The following POLA1 variants were observed in gnomAD, a reference collection of about 807,000 sequenced individuals.
POLA1 encodes DNA polymerase alpha catalytic subunit.
Under a neutral mutation model 124.0 loss-of-function variants are expected in POLA1, and 15 were observed. The ratio of observed to expected loss-of-function variants is 0.12; its 90% CI spans 0.08 to 0.19. POLA1 has a LOEUF of 0.19. Ranked by LOEUF, POLA1 falls within the 10% of genes least tolerant of loss-of-function variation. The pLI is 1.00. For missense variants in POLA1, 886 were observed against 1,103.4 expected (o/e 0.80, Z 2.79); for synonymous variants, 408 against 389.4 (o/e 1.05, Z -0.56).
At position 24,931,691 on chromosome X, in the gene POLA1, A is replaced by C. The variant is rs1371122309; in HGVS notation, c.4261+1142A>C. Among the ~76,000 whole-genome samples, 11 of 112,007 alleles carry C rather than the reference A, an allele frequency of 9.8e-5. No individual in the cohort carries two copies. In the Admixed American group the frequency reaches 1.0e-3, roughly 11 times the overall value. Reference sequence around the variant, plus strand: ...AATTTATTCTGCCTATTAATAACTAAGTTTTAGAACTTTTATTCATGGTCA... The same window carrying C: ...AATTTATTCTGCCTATTAATAACTACGTTTTAGAACTTTTATTCATGGTCA... On this transcript the variant is annotated intron_variant, in intron 36 of 36. Coordinates refer to ENST00000379068, the MANE Select transcript of POLA1 (RefSeq NM_001330360.2).
chrX:24,881,239 C>T (rs2046997711), intron 34 of POLA1, among the ~76,000 whole-genome samples: 1 of 112,156 alleles, frequency 8.9e-6, no homozygotes, highest in Admixed American at 9.5e-5. Context: ...TTTGTAATAA[C>T]ACCAGATGGA....
chrX:24,768,165 A>G (rs1273728432), intron 26 of POLA1, among the ~76,000 whole-genome samples: 1 of 112,467 alleles, frequency 8.9e-6, no homozygotes, highest in African/African-American at 3.2e-5. Flanking sequence ...AGTGTGTGTC[A>G]TCCTGGGTTG....
At chrX:24,896,050 C>G (rs1365949215) in intron 35 of POLA1, among the ~76,000 whole-genome samples, 1 of 111,844 alleles carries the variant, frequency 8.9e-6, no homozygotes, top group Admixed American at 9.4e-5. Context: ...AATCCCAGTG[C>G]TCCCTAATCA....
intron 26 of POLA1, among the ~76,000 whole-genome samples, chrX:24,786,351 A>G (rs2045360911): frequency 8.9e-6 from 1 of 111,900 alleles, no homozygotes; most frequent in South Asian, 3.7e-4. Flanking sequence ...AGCTAGCCTA[A>G]CAGATGTGAG....
intron 15 of POLA1, among the ~76,000 whole-genome samples, chrX:24,730,445 C>T (rs772754266): frequency 3.6e-5 from 4 of 110,946 alleles, no homozygotes; most frequent in Non-Finnish European, 7.5e-5. Context: ...GGAGTTTCCC[C>T]ATGTTGGCCA....
intron 26 of POLA1, among the ~76,000 whole-genome samples, chrX:24,774,547 G>A (rs1369728943): frequency 1.8e-5 from 2 of 111,344 alleles, no homozygotes; most frequent in Non-Finnish European, 3.8e-5. Flanking sequence ...CTGCTTGTCT[G>A]GTTTCTTGCC....
chrX:24,972,270 C>CCTTG (rs2048313670), intron 36 of POLA1, among the ~76,000 whole-genome samples: 2 of 112,038 alleles, frequency 1.8e-5, no homozygotes, highest in Non-Finnish European at 3.8e-5. Context: ...CGGGCCTGGC[C>CCTTG]GGAGGATTTA....
At chrX:24,963,615 A>G (rs892933697) in intron 36 of POLA1, among the ~76,000 whole-genome samples, 1 of 111,901 alleles carries the variant, frequency 8.9e-6, no homozygotes, top group Non-Finnish European at 1.9e-5. Context: ...CCTGTCCTTT[A>G]AAGAGTAAGT....
chrX:24,919,397 A>C (rs769260281), intron 35 of POLA1, among the ~76,000 whole-genome samples: 1 of 111,017 alleles, frequency 9.0e-6, no homozygotes, highest in East Asian at 2.8e-4. Context: ...TTTCCTATAC[A>C]TTATCTCATT....
intron 23 of POLA1, among the ~76,000 whole-genome samples, chrX:24,744,863 A>G (rs948815427): frequency 6.6e-5 from 7 of 106,624 alleles, no homozygotes; most frequent in African/African-American, 2.4e-4. Context: ...AGGCAAGGGG[A>G]CTCACTTGAA....
intron 5 of POLA1, among the ~76,000 whole-genome samples, 156 bp downstream of exon 5, chrX:24,714,825 C>T (rs1929716868): frequency 8.9e-6 from 1 of 112,566 alleles, no homozygotes; most frequent in African/African-American, 3.2e-5. Flanking sequence ...AATTAAGGCA[C>T]CTCAGTGGTT....
chrX:24,717,250 C>G (rs767079017), intron 8 of POLA1, 40 bp from the exon 9 acceptor site: 1 of 1,115,984 alleles, frequency 9.0e-7, no homozygotes, highest in South Asian at 1.8e-5. Flanking sequence ...TTTGTGTCAT[C>G]GCAATAACAC....
At chrX:24,947,972 G>A (rs1304332189) in intron 36 of POLA1, among the ~76,000 whole-genome samples, 3 of 112,099 alleles carry the variant, frequency 2.7e-5, no homozygotes, top group South Asian at 3.7e-4. Flanking sequence ...CTGGTTTGTC[G>A]CTGACTCACT....
In POLA1 at chrX:24,879,166, G is replaced by A. The variant is rs779814438; in HGVS notation, c.4048-8840G>A. On this transcript the variant is annotated intron_variant, in intron 34 of 36. Transcript: ENST00000379068. ...TGAAGACTTGACAGGCAGGAATGGCGTTGGAAGTAATGAACAATTTTTCTT... is the reference window on the plus strand; with the variant it reads ...TGAAGACTTGACAGGCAGGAATGGCATTGGAAGTAATGAACAATTTTTCTT... 7.7e-4 allele frequency among the ~76,000 whole-genome samples: 86 copies of A among 111,362 alleles called. 1 individual carries two copies. The highest frequency in any genetic ancestry group is 1.5e-3 in the South Asian group (4 of 2,636).
intron 35 of POLA1, 30 bp downstream of exon 35, chrX:24,888,152 G>A (rs1222241091): frequency 8.8e-6 from 8 of 914,027 alleles, no homozygotes; most frequent in Non-Finnish European, 1.1e-5. Context: ...AAAGAACCAT[G>A]TAGAAGAGGG....
chrX:24,709,038 C>G (rs1467533468), intron 4 of POLA1, among the ~76,000 whole-genome samples: 1 of 95,120 alleles, frequency 1.1e-5, no homozygotes, highest in Non-Finnish European at 2.2e-5. Context: ...ACCTCCCTCC[C>G]AGACGGGGCG....
At chrX:24,991,181 TC>T (rs2048531110) in intron 36 of POLA1, among the ~76,000 whole-genome samples, 1 of 109,584 alleles carries the variant, frequency 9.1e-6, no homozygotes, top group African/African-American at 3.3e-5. Context: ...TTTTTTTTTT[TC>T]CTTCTCTACA....
intron 21 of POLA1, 118 bp from the exon 22 acceptor site, chrX:24,741,884 C>T: frequency 6.3e-6 from 3 of 472,873 alleles, no homozygotes; most frequent in Non-Finnish European, 1.0e-5. Flanking sequence ...AAAAAAAAAG[C>T]AGACCGTTAT....
intron 36 of POLA1, among the ~76,000 whole-genome samples, chrX:24,941,831 A>G (rs16983254): frequency 0.085 from 9,485 of 111,990 alleles, 1,008 homozygotes; most frequent in African/African-American, 0.29. Flanking sequence ...TGAGCCCTGC[A>G]AGCCCTAGCA....
Sources: allele counts gnomAD v4.1 joint callset (sites outside exome capture counted in the v4.1 genomes callset), GRCh38; gene constraint gnomAD v4.1.1; transcripts MANE v1.5; gene names NCBI Gene and HGNC (gene_info 2026-07-23, HGNC 2026-07-21).